Variants in FHIT observed in about 807,000 individuals in gnomAD.
The protein encoded by FHIT is fragile histidine triad diadenosine triphosphatase, also known as bis(5'-adenosyl)-triphosphatase.
FHIT carries 19 observed loss-of-function variants against 17.9 expected under a neutral mutation model. The observed-to-expected ratio is 1.06, with a 90% CI of 0.74 to 1.56. The LOEUF (loss-of-function observed/expected upper bound fraction) is 1.56. Among genes scored for constraint, FHIT ranks in the 40% most tolerant of loss-of-function variants. The probability of loss-of-function intolerance (pLI) is 0.00; values close to 1 mark genes in which losing one functional copy is unlikely to be tolerated. For synonymous variants in FHIT, 81 were observed against 69.7 expected, an observed-to-expected ratio of 1.16 and a Z score of -0.81; for missense variants, 248 against 189.2, an observed-to-expected ratio of 1.31 and a Z score of -1.82.
intron 5 of FHIT, among the ~76,000 whole-genome samples, chr3:60,427,753 T>C (rs1702725959): frequency 6.6e-6 from 1 of 152,160 alleles, no homozygotes; most frequent in Non-Finnish European, 1.5e-5. Context: ...TCTTAAGTCA[T>C]GTCCTATTTT....
chr3:60,323,511 A>C (rs1165473921), intron 5 of FHIT, among the ~76,000 whole-genome samples: 1 of 152,144 alleles, frequency 6.6e-6, no homozygotes, highest in Non-Finnish European at 1.5e-5. Context: ...ATATGGTACA[A>C]CATCGCCCTG....
chr3:60,980,233 C>T (rs1261478296), intron 3 of FHIT, among the ~76,000 whole-genome samples: 1 of 152,040 alleles, frequency 6.6e-6, no homozygotes, highest in Non-Finnish European at 1.5e-5. Context: ...CTGTATAAAG[C>T]ATAAGAAGGA....
intron 5 of FHIT, among the ~76,000 whole-genome samples, chr3:60,037,345 T>C (rs1018467674): frequency 6.6e-6 from 1 of 152,006 alleles, no homozygotes; most frequent in Non-Finnish European, 1.5e-5. Context: ...ATAAACAATC[T>C]AGATGGCCAT....
At chr3:60,491,764 C>T (rs2034077584) in intron 5 of FHIT, among the ~76,000 whole-genome samples, 1 of 152,130 alleles carries the variant, frequency 6.6e-6, no homozygotes, top group African/African-American at 2.4e-5. Context: ...AACCTTTACA[C>T]AAATAACTGA....
chr3:60,398,690 A>G (rs1232718740), intron 5 of FHIT, among the ~76,000 whole-genome samples: 3 of 152,184 alleles, frequency 2.0e-5, no homozygotes, highest in Non-Finnish European at 4.4e-5. Context: ...CACACTTAAT[A>G]TGTTAGAAAA....
intron 5 of FHIT, among the ~76,000 whole-genome samples, chr3:60,047,335 C>A (rs1248515567): frequency 6.6e-6 from 1 of 152,206 alleles, no homozygotes; most frequent in Non-Finnish European, 1.5e-5. Flanking sequence ...GTGCCTGTAA[C>A]TGCTGAGGTT....
chr3:60,085,336 A>G (rs1047589081), intron 5 of FHIT, among the ~76,000 whole-genome samples: 4 of 152,150 alleles, frequency 2.6e-5, no homozygotes, highest in African/African-American at 9.7e-5. Flanking sequence ...CAAAGGCCCT[A>G]CTACATCCTT....
intron 4 of FHIT, among the ~76,000 whole-genome samples, chr3:60,782,231 GTGTGTGTATA>G (rs782777268): frequency 1.1e-5 from 1 of 89,954 alleles, no homozygotes; most frequent in Non-Finnish European, 2.2e-5. Context: ...GTGTGTGTGT[GTGTGTGTATA>G]TATATATATA....
chr3:60,301,986 T>C (rs1708474969), intron 5 of FHIT, among the ~76,000 whole-genome samples: 1 of 152,148 alleles, frequency 6.6e-6, no homozygotes, highest in African/African-American at 2.4e-5. Context: ...CGGGAGATGA[T>C]TAAATACCCA....
At chr3:60,416,902 T>C (rs907445203) in intron 5 of FHIT, among the ~76,000 whole-genome samples, 3 of 151,892 alleles carry the variant, frequency 2.0e-5, no homozygotes. Flanking sequence ...CTGGCTAACA[T>C]GGTAAAACCC....
At chr3:60,701,814 G>T (rs1156876424) in intron 4 of FHIT, among the ~76,000 whole-genome samples, 2 of 152,196 alleles carry the variant, frequency 1.3e-5, no homozygotes, top group African/African-American at 2.4e-5. Flanking sequence ...CAGGAAGGGG[G>T]TTTGTTTTGG....
chr3:60,697,111 T>C (rs2041131635), intron 4 of FHIT, among the ~76,000 whole-genome samples: 1 of 152,200 alleles, frequency 6.6e-6, no homozygotes, highest in African/African-American at 2.4e-5. Context: ...ATTGAATTAT[T>C]AATATTTCAC....
At chr3:60,174,606 C>T (rs1701582623) in intron 5 of FHIT, among the ~76,000 whole-genome samples, 1 of 149,606 alleles carries the variant, frequency 6.7e-6, no homozygotes, top group Non-Finnish European at 1.5e-5. Context: ...AAGTTGGAAC[C>T]TGATTATAAA....
At chr3:60,071,632 A>T (rs533714118) in intron 5 of FHIT, among the ~76,000 whole-genome samples, 1 of 152,200 alleles carries the variant, frequency 6.6e-6, no homozygotes, top group Non-Finnish European at 1.5e-5. Flanking sequence ...GACCTGCAGC[A>T]AAGTTAGCCA....
At chr3:60,487,003 G>C (rs1048136237) in intron 5 of FHIT, among the ~76,000 whole-genome samples, 24 of 152,174 alleles carry the variant, frequency 1.6e-4, no homozygotes, top group African/African-American at 5.3e-4. Context: ...AGACTGGCTT[G>C]CTATAAACAC....
intron 7 of FHIT, among the ~76,000 whole-genome samples, chr3:59,942,594 C>T (rs1280672556): frequency 1.3e-5 from 2 of 152,182 alleles, no homozygotes; most frequent in Non-Finnish European, 2.9e-5. Flanking sequence ...CTTTCCAAGA[C>T]TCCACATGAT....
chr3:60,124,003 T>G (rs71313745), intron 5 of FHIT, among the ~76,000 whole-genome samples: 4,580 of 23,298 alleles, frequency 0.2, 359 homozygotes, highest in Non-Finnish European at 0.25. Flanking sequence ...TATATATATA[T>G]ATATATAGAG....
rs141968827 is a variant in FHIT, at chr3:60,120,230, C to G, written c.104-106078G>C. On this transcript the variant is annotated intron_variant, in intron 5 of 9. Coordinates refer to ENST00000492590, the MANE Select transcript of FHIT (RefSeq NM_002012.4). ...TCTGTCCACCCAACTGGACAGTAAA[C>G]TCTCTGGCAGCAGAAACTGGGCCTT... Among the ~76,000 whole-genome samples, 1,230 of 152,286 alleles carry G rather than the reference C, an allele frequency of 8.1e-3. 11 individuals carry two copies. The highest frequency in any genetic ancestry group is 0.027 in the African/African-American group (1,124 of 41,560).
intron 5 of FHIT, among the ~76,000 whole-genome samples, chr3:60,531,105 T>C (rs1198875105): frequency 2.0e-5 from 3 of 152,140 alleles, no homozygotes; most frequent in Non-Finnish European, 4.4e-5. Flanking sequence ...CTTTGAACAT[T>C]TCTCCTCCAA....
Sources: allele counts gnomAD v4.1 joint callset (sites outside exome capture counted in the v4.1 genomes callset), GRCh38; gene constraint gnomAD v4.1.1; transcripts MANE v1.5; gene names NCBI Gene and HGNC (gene_info 2026-07-23, HGNC 2026-07-21).